The following RBFOX3 variants were observed in gnomAD, a reference collection of about 807,000 sequenced individuals.
RBFOX3 encodes RNA binding fox-1 homolog 3.
A neutral mutation model predicts 48.7 loss-of-function variants in RBFOX3; 17 were observed. That is an observed-to-expected ratio of 0.35 (90% CI 0.24 to 0.52). The LOEUF (loss-of-function observed/expected upper bound fraction) is 0.52. Among genes scored for constraint, RBFOX3 ranks in the 20% least tolerant of loss-of-function variants. The pLI is 0.94. For missense variants in RBFOX3, 382 were observed against 497.5 expected (o/e 0.77, Z 2.21); for synonymous variants, 212 against 209.5 (o/e 1.01, Z -0.10).
At chr17:79,366,271 C>A (rs1056567462) in intron 2 of RBFOX3, among the ~76,000 whole-genome samples, 7 of 152,238 alleles carry the variant, frequency 4.6e-5, no homozygotes, top group Admixed American at 2.0e-4. Flanking sequence ...GGCACCATCA[C>A]TGGTAAAGGG....
At chr17:79,640,666 G>T in the RBFOX3 span, among the ~76,000 whole-genome samples, 4 of 152,042 alleles carry the variant, frequency 2.6e-5, no homozygotes, top group African/African-American at 7.2e-5. Flanking sequence ...ATAATCAACA[G>T]ATCTTCAACA....
At chr17:79,382,708 T>C (rs1263640631) in intron 2 of RBFOX3, among the ~76,000 whole-genome samples, 3 of 152,244 alleles carry the variant, frequency 2.0e-5, no homozygotes, top group South Asian at 2.1e-4. Flanking sequence ...AGCTTCTGAA[T>C]GCCATTCACC....
chr17:79,545,962 G>A (rs1671625412), intron 1 of RBFOX3, among the ~76,000 whole-genome samples: 1 of 152,260 alleles, frequency 6.6e-6, no homozygotes, highest in Non-Finnish European at 1.5e-5. Context: ...GTGTGTGCGT[G>A]TGCACGTGTG....
Position 79,358,285 on chromosome 17 carries a change from G to C in RBFOX3, c.-174-50461C>G, listed in dbSNP as rs145396224. ...TTCATCCCTCTGGGACCTAACAACA[G>C]GCACAAGGGGGAAGGTAGTGAGCTA... On this transcript the variant is annotated intron_variant, in intron 2 of 14. Transcript: ENST00000693108. 6.2e-3 allele frequency among the ~76,000 whole-genome samples: 939 copies of C among 151,976 alleles called. 11 individuals are homozygous for C. The highest frequency in any genetic ancestry group is 7.7e-3 in the Non-Finnish European group (521 of 67,960).
chr17:79,556,792 T>C (rs1452345991), intron 1 of RBFOX3, among the ~76,000 whole-genome samples: 1 of 152,162 alleles, frequency 6.6e-6, no homozygotes, highest in Non-Finnish European at 1.5e-5. Flanking sequence ...AGGGACTTTC[T>C]GGAGGCACAG....
chr17:79,129,578 C>T (rs1270772307), intron 4 of RBFOX3, among the ~76,000 whole-genome samples: 1 of 152,224 alleles, frequency 6.6e-6, no homozygotes, highest in Non-Finnish European at 1.5e-5. Flanking sequence ...CTGATATGCA[C>T]CCACCTCTGT....
intron 3 of RBFOX3, among the ~76,000 whole-genome samples, chr17:79,277,527 C>G (rs1045442079): frequency 6.6e-6 from 1 of 152,208 alleles, no homozygotes; most frequent in Non-Finnish European, 1.5e-5. Flanking sequence ...ATAAATTAAC[C>G]CGCAGCCCAA....
chr17:79,112,915 T>TGGG (rs1189871020), intron 5 of RBFOX3, among the ~76,000 whole-genome samples: 6 of 60,176 alleles, frequency 1.0e-4, no homozygotes, highest in South Asian at 1.4e-3. Context: ...GGGGGGGGGG[T>TGGG]GGGCTGGGTA....
intron 14 of RBFOX3, among the ~76,000 whole-genome samples, chr17:79,093,308 C>T (rs66745812): frequency 1.2e-4 from 18 of 151,110 alleles, no homozygotes; most frequent in Non-Finnish European, 1.8e-4. Flanking sequence ...CAGAAAAGAA[C>T]AACACAGCAA....
chr17:79,150,205 G>A (rs986930067), intron 4 of RBFOX3, among the ~76,000 whole-genome samples: 3 of 151,826 alleles, frequency 2.0e-5, no homozygotes, highest in Non-Finnish European at 2.9e-5. Context: ...TGTGGGCCAC[G>A]ACCTAGAGCA....
intron 1 of RBFOX3, among the ~76,000 whole-genome samples, chr17:79,585,844 C>T (rs895472467): frequency 3.3e-5 from 5 of 152,126 alleles, no homozygotes; most frequent in Admixed American, 6.5e-5. Context: ...GGATGGGCTC[C>T]GTGGGGCCGG....
intron 4 of RBFOX3, among the ~76,000 whole-genome samples, chr17:79,166,876 G>A (rs964746397): frequency 5.9e-5 from 9 of 152,188 alleles, no homozygotes; most frequent in Non-Finnish European, 1.3e-4. Context: ...AAAAGTCACC[G>A]AATTGCACAC....
chr17:79,238,754 G>T (rs2061949670), intron 3 of RBFOX3, among the ~76,000 whole-genome samples: 1 of 152,178 alleles, frequency 6.6e-6, no homozygotes, highest in African/African-American at 2.4e-5. Context: ...TTTAGTCAAG[G>T]TGAAATATGT....
the RBFOX3 span, among the ~76,000 whole-genome samples, chr17:79,627,791 C>T: frequency 7.8e-6 from 1 of 127,834 alleles, no homozygotes; most frequent in Admixed American, 7.6e-5. Flanking sequence ...CTTCTTCCTC[C>T]CTCCCCAGGT....
intron 2 of RBFOX3, among the ~76,000 whole-genome samples, chr17:79,334,924 G>T (rs1197235474): frequency 6.6e-6 from 1 of 152,232 alleles, no homozygotes; most frequent in Non-Finnish European, 1.5e-5. Context: ...TCTCCAGCAT[G>T]CTGGGGGCCT....
At chr17:79,631,057 G>A in the RBFOX3 span, among the ~76,000 whole-genome samples, 6 of 152,112 alleles carry the variant, frequency 3.9e-5, no homozygotes, top group African/African-American at 9.7e-5. Flanking sequence ...ACTACCTCAC[G>A]CCAGTGCCTC....
chr17:79,147,683 C>T (rs546401575), intron 4 of RBFOX3, among the ~76,000 whole-genome samples: 43 of 152,350 alleles, frequency 2.8e-4, no homozygotes, highest in African/African-American at 1.0e-3. Context: ...ATCAGCCTTG[C>T]ACACCCCTGG....
At chr17:79,200,849 T>G (rs2056640383) in intron 4 of RBFOX3, among the ~76,000 whole-genome samples, 1 of 152,026 alleles carries the variant, frequency 6.6e-6, no homozygotes, top group Non-Finnish European at 1.5e-5. Context: ...AGGCCATATC[T>G]GGGAAGCCAA....
At chr17:79,101,502 G>T in intron 9 of RBFOX3, 82 bp downstream of exon 9, 1 of 1,257,758 alleles carries the variant, frequency 8.0e-7, no homozygotes, top group Non-Finnish European at 1.1e-6. Flanking sequence ...AGGAAGGTCA[G>T]CCTGCAGCAG....
Sources: gnomAD v4.1 joint callset for allele counts (sites outside exome capture counted in the v4.1 genomes callset) on GRCh38, gnomAD v4.1.1 for gene constraint, MANE v1.5 for transcripts, NCBI Gene and HGNC (gene_info 2026-07-23, HGNC 2026-07-21) for gene names.